TM6SF1: variants seen among roughly 807,000 people sequenced by gnomAD.
TM6SF1 encodes the protein transmembrane 6 superfamily member 1.
In TM6SF1, 43 loss-of-function variants were observed where a neutral mutation model predicts 47.1. The observed-to-expected ratio is 0.91, with a 90% CI of 0.72 to 1.18. TM6SF1 has a LOEUF of 1.18. Ranked by LOEUF, TM6SF1 falls within the 50% of genes most tolerant of loss-of-function variation. TM6SF1 has a pLI of 0.00. For synonymous variants in TM6SF1, 177 were observed against 166.3 expected (o/e 1.06, Z -0.49); for missense variants, 390 against 449.0 (o/e 0.87, Z 1.19).
rs562369207 is a variant in TM6SF1 at position 83,122,798 on chromosome 15, A to G, written c.523A>G (p.Ile175Val). Reference protein sequence around the residue: ...TRICPAFFLSIPYTCLPVWAG... With the variant: ...TRICPAFFLSVPYTCLPVWAG... ...AATTTGCCCTGCTTTTTTCTTAAGC[A>G]TACCATATACTTGTCTTCCTGTCTG... The change falls in exon 6 of 10, where the codon ATA becomes GTA. Residue 175 changes from isoleucine (I) to valine (V), a missense_variant. Transcript: ENST00000322019. 1.9e-6 allele frequency: 3 copies of G among 1,614,082 alleles called. No individual in the cohort carries two copies. Among genetic ancestry groups the G allele is most frequent in the South Asian group, 1.1e-5 (1 of 91,072 alleles).
intron 2 of TM6SF1, chr15:83,113,555 T>C (rs944710615): frequency 6.6e-6 from 1 of 152,586 alleles, no homozygotes; most frequent in African/African-American, 2.4e-5. Context: ...GGTACCTTGC[T>C]GGGCATTTTG....
chr15:83,121,957 A>T lies in TM6SF1; in HGVS notation c.435A>T (p.Gly145=). Reference sequence around the variant, plus strand: ...GAACCATTGGCCTATATTGGGTTGGATCTATTATTATGAGTGTTGTTGTTT... The same window carrying T: ...GAACCATTGGCCTATATTGGGTTGGTTCTATTATTATGAGTGTTGTTGTTT... The part of the protein sequence containing the change: ...TYRTIGLYWV[G]SIIMSVVVFV... The change falls in exon 5 of 10, where the codon GGA becomes GGT. Residue 145 remains glycine, a synonymous_variant. Transcript: ENST00000322019. 1 of 1,611,162 alleles carries T rather than the reference A, an allele frequency of 6.2e-7. No individual in the cohort carries two copies.
In TM6SF1 at chr15:83,115,646, A is replaced by G. The variant is rs774564945; in HGVS notation, c.197-199A>G. The stretch of plus-strand genomic sequence containing the variant: ...GTTCCCTTGATGAGAGTACTTAGGC[A>G]GGGATGGGGAGAGCTGCGAACACAG... On this transcript the variant is annotated intron_variant, in intron 2 of 9. Coordinates refer to ENST00000322019, the MANE Select transcript of TM6SF1 (RefSeq NM_023003.5). 6.7e-4 allele frequency: 461 copies of G among 686,988 alleles called. 2 individuals carry two copies. Among genetic ancestry groups the G allele is most frequent in the Non-Finnish European group, 8.3e-5 (31 of 374,518 alleles). The allele number at this position is 686,988 out of a possible 1,614,324, so 42.6% of individuals were successfully genotyped here.
intron 3 of TM6SF1, among the ~76,000 whole-genome samples, chr15:83,117,345 A>C (rs766665573): frequency 6.6e-6 from 1 of 152,142 alleles, no homozygotes; most frequent in Non-Finnish European, 1.5e-5. Flanking sequence ...TCTGAGGAGC[A>C]GTCCTGGAAG....
At chr15:83,119,452 A>G in intron 3 of TM6SF1, 126 bp from the exon 4 acceptor site, 1 of 1,003,092 alleles carries the variant, frequency 1.0e-6, no homozygotes, top group Non-Finnish European at 1.5e-6. Flanking sequence ...ATTTTGAAGA[A>G]ATAGTTTCAT....
chr15:83,109,929 C>G (rs2033994610), intron 1 of TM6SF1, among the ~76,000 whole-genome samples: 1 of 152,206 alleles, frequency 6.6e-6, no homozygotes, highest in African/African-American at 2.4e-5. Flanking sequence ...CTCCCTCTCT[C>G]TCCTTTGAGC....
chr15:83,119,686 G>A lies in TM6SF1; in HGVS notation c.398+5G>A. 1 of 1,614,124 alleles carries A rather than the reference G, an allele frequency of 6.2e-7. No homozygotes were observed. The highest frequency in any genetic ancestry group is 8.5e-7 in the Non-Finnish European group (1 of 1,179,982). On this transcript the variant is annotated splice_donor_5th_base_variant and intron_variant, in intron 4 of 9. Transcript: ENST00000322019. The stretch of plus-strand genomic sequence containing the variant: ...GGTGGCAGCCATAGCATGGGAGTAA[G>A]TCAGTTCACCTGGTGTGTGCCTTTG...
intron 3 of TM6SF1, among the ~76,000 whole-genome samples, chr15:83,117,738 G>C (rs977326464): frequency 6.6e-6 from 1 of 152,090 alleles, no homozygotes; most frequent in Non-Finnish European, 1.5e-5. Flanking sequence ...GATGGGGCTT[G>C]GTCCAGCAGG....
At chr15:83,110,617 G>A (rs1319856352) in intron 1 of TM6SF1, among the ~76,000 whole-genome samples, 1 of 152,112 alleles carries the variant, frequency 6.6e-6, no homozygotes, top group Non-Finnish European at 1.5e-5. Flanking sequence ...GTTGTCACCT[G>A]ACCACCACCT....
rs920922821 is a variant in TM6SF1 at position 83,127,343 on chromosome 15, C to A, written c.802-15C>A. On this transcript the variant is annotated splice_polypyrimidine_tract_variant and intron_variant, in intron 8 of 9. Coordinates refer to ENST00000322019, the MANE Select transcript of TM6SF1 (RefSeq NM_023003.5). Reference sequence around the variant, plus strand: ...TGCCAATTTGCTGATGATGTTATTTCTCTGTTCAATACAGATGCTGGCATA... The same window carrying A: ...TGCCAATTTGCTGATGATGTTATTTATCTGTTCAATACAGATGCTGGCATA... 1 of 1,580,720 alleles carries A rather than the reference C, an allele frequency of 6.3e-7. No homozygotes were observed. Among genetic ancestry groups the A allele is most frequent in the South Asian group, 1.2e-5 (1 of 84,752 alleles).
chr15:83,119,872 G>A, intron 4 of TM6SF1, 191 bp downstream of exon 4: 1 of 779,648 alleles, frequency 1.3e-6, no homozygotes, highest in Non-Finnish European at 1.9e-6. Flanking sequence ...CTTCTGAATT[G>A]CTCCCTAGCA....
In TM6SF1 at chr15:83,124,792, C is replaced by T. The variant is rs1782908165; in HGVS notation, c.708+16C>T. The T allele has an allele frequency of 1.9e-6, 3 of 1,578,652 alleles. No individual in the cohort carries two copies. The highest frequency in any genetic ancestry group is 2.6e-6 in the Non-Finnish European group (3 of 1,148,748). ...CAGAGGTTTGGTAAGCATAACAGAT[C>T]ATAATAACGTAACATTGTGATACTA... On this transcript the variant is annotated intron_variant, in intron 7 of 9. Coordinates refer to ENST00000322019, the MANE Select transcript of TM6SF1 (RefSeq NM_023003.5).
chr15:83,112,995 A>G, intron 2 of TM6SF1, 95 bp downstream of exon 2: 2 of 1,071,200 alleles, frequency 1.9e-6, no homozygotes, highest in Non-Finnish European at 2.9e-6. Context: ...GAATACTCTG[A>G]GCCCTTTGGT....
chr15:83,112,788 T>A lies in TM6SF1; in HGVS notation c.93-9T>A. 1 of 1,605,110 alleles carries A rather than the reference T, an allele frequency of 6.2e-7. No homozygotes were observed. On this transcript the variant is annotated splice_polypyrimidine_tract_variant and intron_variant, in intron 1 of 9. Transcript: ENST00000322019. The stretch of plus-strand genomic sequence containing the variant: ...GATAGTGACCACCTCCCTGTTCTGG[T>A]CGTTGCAGTTCCTGGACTATTGTAG...
At chr15:83,127,653 C>A (rs1015380695) in intron 9 of TM6SF1, 176 bp downstream of exon 9, 16 of 629,338 alleles carry the variant, frequency 2.5e-5, no homozygotes, top group Non-Finnish European at 3.8e-5. Flanking sequence ...TTCAATCTCA[C>A]AATAACTATA....
At chr15:83,135,940 G>A (rs1371453925) in intron 9 of TM6SF1, 2 of 152,018 alleles carry the variant, frequency 1.3e-5, no homozygotes, top group African/African-American at 4.8e-5. Flanking sequence ...ATAGGGAAAG[G>A]GTATGAGCTC....
At chr15:83,120,210 T>C in intron 4 of TM6SF1, 1 of 158,384 alleles carries the variant, frequency 6.3e-6, no homozygotes, top group Non-Finnish European at 1.4e-5. Flanking sequence ...GGTGCTGGTT[T>C]TTGGGTATTG....
At chr15:83,135,100 A>G (rs2036523040) in intron 9 of TM6SF1, 1 of 152,198 alleles carries the variant, frequency 6.6e-6, no homozygotes, top group African/African-American at 2.4e-5. Context: ...GCAATACATC[A>G]TGCTAATTTA....
chr15:83,108,358 C>T (rs2151328681), intron 1 of TM6SF1, among the ~76,000 whole-genome samples: 1 of 152,102 alleles, frequency 6.6e-6, no homozygotes, highest in South Asian at 2.1e-4. Flanking sequence ...GTTTTCCGGT[C>T]AAGTGGACTT....
Sources: allele counts gnomAD v4.1 joint callset (sites outside exome capture counted in the v4.1 genomes callset), GRCh38; gene constraint gnomAD v4.1.1; transcripts MANE v1.5; gene names NCBI Gene and HGNC (gene_info 2026-07-23, HGNC 2026-07-21).